The following THADA variants were observed in gnomAD, a reference collection of about 807,000 sequenced individuals.
THADA encodes the protein THADA armadillo repeat containing, also known as tRNA (32-2'-O)-methyltransferase regulator THADA.
Under a neutral mutation model 219.8 loss-of-function variants are expected in THADA, and 213 were observed. The ratio of observed to expected loss-of-function variants is 0.97; its 90% CI spans 0.87 to 1.09. The LOEUF (loss-of-function observed/expected upper bound fraction) is 1.09, where lower values mean the gene tolerates loss of function less well. Among genes scored for constraint, THADA ranks in the 50% least tolerant of loss-of-function variants. THADA has a pLI of 0.00. For synonymous variants in THADA, 1,018 were observed against 828.9 expected, an observed-to-expected ratio of 1.23 and a Z score of -3.92; for missense variants, 2,956 against 2,311.3, an observed-to-expected ratio of 1.28 and a Z score of -5.72.
chr2:43,542,330 G>T (rs961003743), intron 20 of THADA, among the ~76,000 whole-genome samples: 1 of 152,120 alleles, frequency 6.6e-6, no homozygotes, highest in East Asian at 1.9e-4. Flanking sequence ...AACCTTGGAG[G>T]AATTTAATTT....
intron 30 of THADA, among the ~76,000 whole-genome samples, chr2:43,326,324 TG>T (rs1025825685): frequency 6.6e-6 from 1 of 151,872 alleles, no homozygotes; most frequent in African/African-American, 2.4e-5. Context: ...AGTTGGAGAA[TG>T]GGGAGGAGGT....
rs567578007 is a variant in THADA at position 43,451,825 on chromosome 2, G to T, written c.3837-21523C>A. On this transcript the variant is annotated intron_variant, in intron 26 of 37. Coordinates refer to ENST00000405975, the MANE Select transcript of THADA (RefSeq NM_022065.5). ...TCTACTATACTATCAAGAAATCACAGGCTGGGCTCAGTGGCTCACGCCTGT... is the reference window on the plus strand; with the variant it reads ...TCTACTATACTATCAAGAAATCACATGCTGGGCTCAGTGGCTCACGCCTGT... Among the ~76,000 whole-genome samples the T allele has an allele frequency of 6.6e-5, 10 of 152,320 alleles. No individual in the cohort carries two copies. The South Asian group carries it at 2.1e-3, about 32-fold the overall frequency.
At chr2:43,591,582 C>T (rs1357670233) in intron 3 of THADA, among the ~76,000 whole-genome samples, 2 of 151,848 alleles carry the variant, frequency 1.3e-5, no homozygotes, top group Non-Finnish European at 2.9e-5. Flanking sequence ...TATGTGTGCT[C>T]AAATGGTAAA....
chr2:43,232,861 T>C lies in THADA; in HGVS notation c.5318A>G (p.Asp1773Gly). The C allele has an allele frequency of 6.2e-7, 1 of 1,610,864 alleles. No homozygotes were observed. The highest frequency in any genetic ancestry group is 1.1e-5 in the South Asian group (1 of 90,172). ...GGCCAGGGCCAGAGCGATGGAGGCA[T>C]CCACCTGGCAGAAGGCAAACTCTGC... ...QSTEFAFCQV[D>G]ASIALALALA... The change falls in exon 37 of 38, where the codon GAT becomes GGT. Residue 1773 changes from aspartate to glycine, a missense_variant. Physicochemically the swap from Asp to Gly is moderately conservative, Grantham distance 94 (BLOSUM62 -1). Transcript: ENST00000405975.
chr2:43,322,757 C>T (rs1275414093), intron 30 of THADA, among the ~76,000 whole-genome samples: 4 of 123,850 alleles, frequency 3.2e-5, no homozygotes, highest in Non-Finnish European at 4.8e-5. Flanking sequence ...GCGATCTTGG[C>T]TCACTGCAAG....
At chr2:43,324,685 C>T (rs1210993604) in intron 30 of THADA, among the ~76,000 whole-genome samples, 3 of 152,108 alleles carry the variant, frequency 2.0e-5, no homozygotes, top group Non-Finnish European at 4.4e-5. Flanking sequence ...GGAAATGGTG[C>T]ACTGTAAGTT....
chr2:43,555,058 G>C (rs1238596591), intron 17 of THADA, among the ~76,000 whole-genome samples: 1 of 152,024 alleles, frequency 6.6e-6, no homozygotes, highest in Non-Finnish European at 1.5e-5. Context: ...ATATGTAAAA[G>C]ATCTACATAA....
intron 26 of THADA, among the ~76,000 whole-genome samples, chr2:43,479,679 T>C (rs1306787244): frequency 6.6e-6 from 1 of 152,152 alleles, no homozygotes; most frequent in Non-Finnish European, 1.5e-5. Context: ...TTTCATTCAT[T>C]CTCTACTTTC....
At chr2:43,459,401 A>G (rs1189977890) in intron 26 of THADA, among the ~76,000 whole-genome samples, 1 of 151,884 alleles carries the variant, frequency 6.6e-6, no homozygotes. Flanking sequence ...CTTGTTGTAG[A>G]CCTTCTTTCA....
intron 21 of THADA, among the ~76,000 whole-genome samples, chr2:43,532,338 G>A (rs142087141): frequency 6.0e-5 from 9 of 150,362 alleles, no homozygotes; most frequent in East Asian, 3.9e-4. Flanking sequence ...GTTTGAACCC[G>A]GGAGGCAGAG....
intron 25 of THADA, among the ~76,000 whole-genome samples, chr2:43,487,946 C>T (rs1282301053): frequency 6.6e-6 from 1 of 152,150 alleles, no homozygotes; most frequent in East Asian, 1.9e-4. Flanking sequence ...TTACATTTTC[C>T]ATTAGGTGCA....
intron 26 of THADA, among the ~76,000 whole-genome samples, chr2:43,436,132 T>A (rs1680071973): frequency 6.6e-6 from 1 of 152,184 alleles, no homozygotes; most frequent in African/African-American, 2.4e-5. Context: ...GTAAAATTTA[T>A]AAAAATGCCT....
chr2:43,376,678 C>T lies in THADA; in HGVS notation c.4227+21293G>A, dbSNP rs189900016. ...TAATGACTGACATTCAGAAGGGCTT[C>T]GCAGAGGCTCTGGCAACCTAGATAC... On this transcript the variant is annotated intron_variant, in intron 29 of 37. Coordinates refer to ENST00000405975, the MANE Select transcript of THADA (RefSeq NM_022065.5). 1.4e-3 allele frequency among the ~76,000 whole-genome samples: 219 copies of T among 152,296 alleles called. 1 individual carries two copies. Among genetic ancestry groups the T allele is most frequent in the African/African-American group, 5.0e-3 (206 of 41,560 alleles).
At chr2:43,382,770 A>G (rs957465634) in intron 29 of THADA, among the ~76,000 whole-genome samples, 1 of 152,236 alleles carries the variant, frequency 6.6e-6, no homozygotes, top group East Asian at 1.9e-4. Flanking sequence ...CTTTTGACAC[A>G]CTGCTTATAA....
At chr2:43,273,827 C>T (rs1481049038) in intron 36 of THADA, among the ~76,000 whole-genome samples, 1 of 152,170 alleles carries the variant, frequency 6.6e-6, no homozygotes, top group Non-Finnish European at 1.5e-5. Flanking sequence ...AGGGTCGGGG[C>T]ATATGAGAAG....
At chr2:43,503,866 C>T (rs1239568376) in intron 24 of THADA, among the ~76,000 whole-genome samples, 2 of 152,038 alleles carry the variant, frequency 1.3e-5, no homozygotes, top group Admixed American at 1.3e-4. Context: ...TCGTTAAAAC[C>T]AAGCCCCATT....
At chr2:43,514,691 TAATA>T (rs1262691581) in intron 22 of THADA, among the ~76,000 whole-genome samples, 3 of 71,604 alleles carry the variant, frequency 4.2e-5, no homozygotes, top group Non-Finnish European at 4.8e-5. Context: ...ATATTATATA[TAATA>T]TATATAATAT....
intron 36 of THADA, among the ~76,000 whole-genome samples, chr2:43,245,474 CTTCT>C (rs1341135392): frequency 6.6e-6 from 1 of 152,188 alleles, no homozygotes; most frequent in Admixed American, 6.5e-5. Flanking sequence ...CGCCCAGCAA[CTTCT>C]TTCTTTTATA....
At position 43,292,238 on chromosome 2, in the gene THADA, C is replaced by T; in HGVS notation, c.4819-16G>A. 4 of 1,503,068 alleles carry T rather than the reference C, an allele frequency of 2.7e-6. No individual in the cohort carries two copies. The highest frequency in any genetic ancestry group is 3.6e-6 in the Non-Finnish European group (4 of 1,104,176). The allele number at this position is 1,503,068 out of a possible 1,614,324, so 93.1% of individuals were successfully genotyped here. A position where few individuals can be genotyped will look rare whatever the true frequency, so the allele number is the denominator to read the frequency against. The stretch of plus-strand genomic sequence containing the variant: ...TTTTCAGTATCTGTGTAAGCCAAAT[C>T]CGCACACAAAAAAGAGAAATAAATA... On this transcript the variant is annotated splice_polypyrimidine_tract_variant and intron_variant, in intron 32 of 37. Coordinates refer to ENST00000405975, the MANE Select transcript of THADA (RefSeq NM_022065.5).
Sources: gnomAD v4.1 joint callset for allele counts (sites outside exome capture counted in the v4.1 genomes callset) on GRCh38, gnomAD v4.1.1 for gene constraint, MANE v1.5 for transcripts, NCBI Gene and HGNC (gene_info 2026-07-23, HGNC 2026-07-21) for gene names.